The following CHCHD3 variants were observed in gnomAD, a reference collection of about 807,000 sequenced individuals.
CHCHD3 encodes MICOS complex subunit MIC19.
In CHCHD3, 20 loss-of-function variants were observed where a neutral mutation model predicts 38.2. The observed-to-expected ratio is 0.52, with a 90% CI of 0.37 to 0.76. CHCHD3 has a LOEUF of 0.76. Ranked by LOEUF, CHCHD3 falls within the 30% of genes least tolerant of loss-of-function variation. The pLI, the probability that CHCHD3 is intolerant of heterozygous loss-of-function variation, is 0.00. For synonymous variants in CHCHD3, 82 were observed against 100.0 expected (o/e 0.82, Z 1.07); for missense variants, 245 against 279.2 (o/e 0.88, Z 0.87).
intron 4 of CHCHD3, among the ~76,000 whole-genome samples, chr7:132,940,935 T>C (rs76537141): frequency 0.043 from 6,516 of 152,204 alleles, 306 homozygotes; most frequent in African/African-American, 0.12. Flanking sequence ...AAATCTTAGA[T>C]CTTGGACTCT....
chr7:132,900,033 CTG>C (rs1266793936), intron 4 of CHCHD3, among the ~76,000 whole-genome samples: 1 of 152,226 alleles, frequency 6.6e-6, no homozygotes, highest in African/African-American at 2.4e-5. Flanking sequence ...GGGGCAGACA[CTG>C]TGTGGCAGCA....
chr7:132,800,271 G>A (rs1806755093), intron 6 of CHCHD3, among the ~76,000 whole-genome samples: 2 of 152,122 alleles, frequency 1.3e-5, no homozygotes, highest in African/African-American at 4.8e-5. Flanking sequence ...ATTACCTTAG[G>A]AGACTTTCCT....
In CHCHD3 at chr7:132,788,865, C is replaced by T. The variant is rs1293104880; in HGVS notation, c.661-3205G>A. ...GCTGATCTATAAACATTTTGTCAAACTGCACTCACTTGCTACCAAAGGGTG... is the reference window on the plus strand; with the variant it reads ...GCTGATCTATAAACATTTTGTCAAATTGCACTCACTTGCTACCAAAGGGTG... On this transcript the variant is annotated intron_variant, in intron 7 of 7. Coordinates refer to ENST00000262570, the MANE Select transcript of CHCHD3 (RefSeq NM_017812.4). The surrounding 1 kb of genome is among the most constrained non-coding windows in gnomAD (Gnocchi z 4.0). Among the ~76,000 whole-genome samples the T allele has an allele frequency of 6.6e-6, 1 of 152,230 alleles. No individual in the cohort carries two copies. Among genetic ancestry groups the T allele is most frequent in the Non-Finnish European group, 1.5e-5 (1 of 68,044 alleles).
At chr7:133,050,920 GCACC>G (rs1410599672) in intron 2 of CHCHD3, among the ~76,000 whole-genome samples, 2 of 152,114 alleles carry the variant, frequency 1.3e-5, no homozygotes, top group Non-Finnish European at 2.9e-5. Context: ...GGAGGCTGAG[GCACC>G]AGAATCACTT....
intron 2 of CHCHD3, chr7:133,034,472 A>C: frequency 4.0e-6 from 3 of 754,924 alleles, no homozygotes; most frequent in Non-Finnish European, 6.2e-6. Context: ...ATGCATCTAT[A>C]ATTCTTTTCA....
In CHCHD3 at chr7:133,057,206, G is replaced by A. The variant is rs527538917; in HGVS notation, c.169+12936C>T. 2.6e-5 allele frequency among the ~76,000 whole-genome samples: 4 copies of A among 152,230 alleles called. No homozygotes were observed. In the South Asian group the frequency reaches 6.2e-4, roughly 24 times the overall value. ...TAGGGAGGTGTTTGTTCAACTAAAA[G>A]AATTTTACTTGGATGGAGAGAAAAA... On this transcript the variant is annotated intron_variant, in intron 2 of 7. Coordinates refer to ENST00000262570, the MANE Select transcript of CHCHD3 (RefSeq NM_017812.4).
rs1814775467 is a variant in CHCHD3 at position 133,070,095 on chromosome 7, CT to C, written c.169+46del. ...TTGACTATTGAGTCAACTTTTTCCA[CT>C]TATAATTTATCTCCTAAAAACCCTA... On this transcript the variant is annotated intron_variant, in intron 2 of 7. Transcript: ENST00000262570. The C allele has an allele frequency of 7.6e-6, 11 of 1,449,468 alleles. No individual in the cohort carries two copies. The East Asian group carries it at 2.5e-4, about 33-fold the overall frequency. 89.8% of individuals were successfully genotyped at this position (1,449,468 alleles called of 1,614,324 possible).
rs116164050 is a variant in CHCHD3, at chr7:132,815,125, T to C, written c.525-18548A>G. 1.4e-3 allele frequency among the ~76,000 whole-genome samples: 210 copies of C among 152,332 alleles called. 1 individual carries two copies. The highest frequency in any genetic ancestry group is 5.0e-3 in the African/African-American group (207 of 41,570). ...CATTTCAACGTGATGGCAAATCAAT[T>C]ATAATATTAATTTTTATCAGACACC... On this transcript the variant is annotated intron_variant, in intron 6 of 7. Transcript: ENST00000262570.
chr7:132,802,349 C>A (rs1806814971), intron 6 of CHCHD3, among the ~76,000 whole-genome samples: 1 of 152,018 alleles, frequency 6.6e-6, no homozygotes, highest in Non-Finnish European at 1.5e-5. Flanking sequence ...TCTTCTCAAG[C>A]CACAGCTCTC....
chr7:132,813,766 C>A (rs1807133431), intron 6 of CHCHD3, among the ~76,000 whole-genome samples: 2 of 152,134 alleles, frequency 1.3e-5, no homozygotes, highest in Non-Finnish European at 2.9e-5. Flanking sequence ...CTTGAAGGTA[C>A]CCACAAAGTG....
chr7:132,976,745 TA>T (rs1343918379), intron 3 of CHCHD3, among the ~76,000 whole-genome samples: 1 of 152,172 alleles, frequency 6.6e-6, no homozygotes, highest in African/African-American at 2.4e-5. Context: ...ATTTTAGTTT[TA>T]AAAAGATTTT....
intron 4 of CHCHD3, among the ~76,000 whole-genome samples, chr7:132,923,179 T>C (rs1277957594): frequency 1.3e-5 from 2 of 152,182 alleles, no homozygotes; most frequent in Non-Finnish European, 2.9e-5. Context: ...CAAACCAAAA[T>C]TGATCAAAAT....
At chr7:132,893,935 T>C (rs1264387975) in intron 4 of CHCHD3, among the ~76,000 whole-genome samples, 4 of 152,244 alleles carry the variant, frequency 2.6e-5, no homozygotes, top group Non-Finnish European at 5.9e-5. Flanking sequence ...TATTTCTTTA[T>C]AGCAGTGTGA....
intron 1 of CHCHD3, among the ~76,000 whole-genome samples, chr7:133,072,700 G>A (rs540879255): frequency 6.6e-6 from 1 of 151,906 alleles, no homozygotes; most frequent in African/African-American, 2.4e-5. Context: ...TTAGCTGGGC[G>A]TGGTGGCGGG....
chr7:133,009,179 C>T (rs567772185), intron 3 of CHCHD3, among the ~76,000 whole-genome samples: 1 of 151,950 alleles, frequency 6.6e-6, no homozygotes, highest in South Asian at 2.1e-4. Flanking sequence ...GCCTGGCCAA[C>T]ATGTGACACC....
chr7:132,969,350 TA>T (rs2117321833), intron 4 of CHCHD3, among the ~76,000 whole-genome samples: 1 of 152,298 alleles, frequency 6.6e-6, no homozygotes, highest in African/African-American at 2.4e-5. Flanking sequence ...AGTAGGTGTT[TA>T]ATAAATATAT....
chr7:132,796,010 C>A (rs1806600912), intron 7 of CHCHD3, among the ~76,000 whole-genome samples: 1 of 151,400 alleles, frequency 6.6e-6, no homozygotes, highest in Admixed American at 6.6e-5. Context: ...TGGACAGTGA[C>A]TGAACGGTGG....
At chr7:132,845,682 G>A (rs559464351) in intron 5 of CHCHD3, among the ~76,000 whole-genome samples, 1 of 152,248 alleles carries the variant, frequency 6.6e-6, no homozygotes, top group East Asian at 1.9e-4. Flanking sequence ...TCTAAGATGA[G>A]AACTACTGTT....
rs1814078355 is a variant in CHCHD3, at chr7:133,049,263, C to T, written c.169+20879G>A. On this transcript the variant is annotated intron_variant, in intron 2 of 7. Coordinates refer to ENST00000262570, the MANE Select transcript of CHCHD3 (RefSeq NM_017812.4). ...GACAATCTGTTATATAACTACAGCA[C>T]CATGATCAAATTAGGACATTAACAG... 2.0e-5 allele frequency among the ~76,000 whole-genome samples: 3 copies of T among 152,280 alleles called. No homozygotes were observed. In the South Asian group the frequency reaches 6.2e-4, roughly 32 times the overall value.
Sources: allele counts gnomAD v4.1 joint callset (sites outside exome capture counted in the v4.1 genomes callset), GRCh38; gene constraint gnomAD v4.1.1; non-coding constraint Gnocchi (gnomAD v3.1); transcripts MANE v1.5; gene names NCBI Gene and HGNC (gene_info 2026-07-23, HGNC 2026-07-21).